Variants in PKP4 observed in about 807,000 individuals in gnomAD.
The protein encoded by PKP4 is plakophilin-4.
PKP4 carries 90 observed loss-of-function variants against 145.1 expected under a neutral mutation model. That is an observed-to-expected ratio of 0.62 (90% CI 0.52 to 0.74). PKP4 has a LOEUF of 0.74. Among genes scored for constraint, PKP4 ranks in the 30% least tolerant of loss-of-function variants. PKP4 has a pLI of 0.00. For missense variants in PKP4, 1,340 were observed against 1,482.7 expected, an observed-to-expected ratio of 0.90 and a Z score of 1.58; for synonymous variants, 563 against 577.2, an observed-to-expected ratio of 0.98 and a Z score of 0.35.
At chr2:158,657,178 C>T (rs2056059393) in intron 11 of PKP4, among the ~76,000 whole-genome samples, 1 of 152,178 alleles carries the variant, frequency 6.6e-6, no homozygotes, top group Non-Finnish European at 1.5e-5. Context: ...CATCTCTTCT[C>T]CACCTACTTT....
At chr2:158,634,681 G>C (rs2053660677) in intron 9 of PKP4, among the ~76,000 whole-genome samples, 1 of 152,096 alleles carries the variant, frequency 6.6e-6, no homozygotes, top group Non-Finnish European at 1.5e-5. Context: ...AAATGGATTT[G>C]GTTATTACAA....
chr2:158,559,987 G>A (rs370872094), intron 2 of PKP4, among the ~76,000 whole-genome samples: 44 of 151,756 alleles, frequency 2.9e-4, no homozygotes, highest in African/African-American at 9.2e-4. Flanking sequence ...CTGCCTCAGC[G>A]TCCCGAGTAG....
chr2:158,644,863 G>A (rs1440993502), intron 11 of PKP4, among the ~76,000 whole-genome samples: 1 of 151,992 alleles, frequency 6.6e-6, no homozygotes. Flanking sequence ...GGCATACCTG[G>A]GTGTTTGTTT....
At chr2:158,502,752 A>C (rs1266690711) in intron 1 of PKP4, among the ~76,000 whole-genome samples, 1 of 152,242 alleles carries the variant, frequency 6.6e-6, no homozygotes, top group Non-Finnish European at 1.5e-5. Flanking sequence ...GTTAACCCGC[A>C]TGCTGATAGG....
chr2:158,473,465 A>G (rs1691929829), intron 1 of PKP4, among the ~76,000 whole-genome samples: 1 of 152,240 alleles, frequency 6.6e-6, no homozygotes, highest in African/African-American at 2.4e-5. Flanking sequence ...ACACCGTGCA[A>G]TACTATGCAG....
chr2:158,619,892 C>T (rs1264518219), intron 4 of PKP4, among the ~76,000 whole-genome samples: 1 of 152,110 alleles, frequency 6.6e-6, no homozygotes, highest in Non-Finnish European at 1.5e-5. Flanking sequence ...TTAGATGTTA[C>T]TTCCTTTAGG....
At chr2:158,585,922 C>T (rs1292521466) in intron 3 of PKP4, among the ~76,000 whole-genome samples, 1 of 150,720 alleles carries the variant, frequency 6.6e-6, no homozygotes, top group Non-Finnish European at 1.5e-5. Context: ...TAGCCTCCCC[C>T]TTTTTTCCTT....
rs540259424 is a variant in PKP4 at position 158,463,874 on chromosome 2, C to G, written c.-6+6656C>G. ...ACCTGTGACCCCTCTGTGGCTGAGT[C>G]AGTGGCTCCGTGTCTTGTGCGGTAG... On this transcript the variant is annotated intron_variant, in intron 1 of 21. Coordinates refer to ENST00000389759, the MANE Select transcript of PKP4 (RefSeq NM_003628.6). Among the ~76,000 whole-genome samples, 5 of 152,320 alleles carry G rather than the reference C, an allele frequency of 3.3e-5. No homozygotes were observed. The South Asian group carries it at 8.3e-4, about 25-fold the overall frequency.
intron 1 of PKP4, among the ~76,000 whole-genome samples, chr2:158,500,563 A>G (rs1242623634): frequency 6.6e-6 from 1 of 152,256 alleles, no homozygotes; most frequent in African/African-American, 2.4e-5. Flanking sequence ...ATAAGCCTGC[A>G]GATGGCAATG....
At chr2:158,615,722 A>G (rs1574795636) in intron 4 of PKP4, among the ~76,000 whole-genome samples, 1 of 152,212 alleles carries the variant, frequency 6.6e-6, no homozygotes, top group Non-Finnish European at 1.5e-5. Context: ...TGCTTATACT[A>G]TAGATTCGAA....
In PKP4 at chr2:158,488,975, C is replaced by T. The variant is rs147008520; in HGVS notation, c.-6+31757C>T. ...CATTTGCATCAACTATTTTAACAAC[C>T]TTGGGGAAGGCATTACATCTTTCAG... On this transcript the variant is annotated intron_variant, in intron 1 of 21. Coordinates refer to ENST00000389759, the MANE Select transcript of PKP4 (RefSeq NM_003628.6). Among the ~76,000 whole-genome samples the T allele has an allele frequency of 5.0e-4, 76 of 152,280 alleles. 1 individual carries two copies. The Middle Eastern group carries it at 0.021, about 41-fold the overall frequency.
At chr2:158,637,789 G>A (rs1156859694) in intron 9 of PKP4, among the ~76,000 whole-genome samples, 1 of 152,232 alleles carries the variant, frequency 6.6e-6, no homozygotes, top group African/African-American at 2.4e-5. Flanking sequence ...CTCTATCATG[G>A]CTGGAAACAG....
chr2:158,567,076 A>T (rs1159851252), intron 2 of PKP4, among the ~76,000 whole-genome samples: 1 of 152,190 alleles, frequency 6.6e-6, no homozygotes, highest in African/African-American at 2.4e-5. Context: ...AGTAAATCAT[A>T]AAATCACCCT....
At chr2:158,480,536 C>T (rs1233608083) in intron 1 of PKP4, among the ~76,000 whole-genome samples, 1 of 151,252 alleles carries the variant, frequency 6.6e-6, no homozygotes, top group Non-Finnish European at 1.5e-5. Flanking sequence ...CGCGCCTGGC[C>T]TCTGGGATTC....
chr2:158,582,886 C>T (rs2048454290), intron 3 of PKP4, among the ~76,000 whole-genome samples: 1 of 152,152 alleles, frequency 6.6e-6, no homozygotes, highest in African/African-American at 2.4e-5. Context: ...AATTTTAGGT[C>T]CACTAAGCAG....
chr2:158,462,798 C>A (rs1473779839), intron 1 of PKP4, among the ~76,000 whole-genome samples: 2 of 152,024 alleles, frequency 1.3e-5, no homozygotes, highest in Admixed American at 1.3e-4. Context: ...CTGTGGTCCT[C>A]GTTTTGCTCA....
chr2:158,594,894 G>T (rs2105828637), intron 3 of PKP4, among the ~76,000 whole-genome samples: 1 of 152,264 alleles, frequency 6.6e-6, no homozygotes, highest in Non-Finnish European at 1.5e-5. Flanking sequence ...ATATTTGTTT[G>T]CCTTCCAACT....
chr2:158,669,081 G>A (rs994215410), intron 16 of PKP4: 2 of 152,110 alleles, frequency 1.3e-5, no homozygotes, highest in Non-Finnish European at 2.9e-5. Flanking sequence ...CATTATTATT[G>A]CATTATTCCT....
At chr2:158,500,275 G>T (rs1286607403) in intron 1 of PKP4, among the ~76,000 whole-genome samples, 2 of 152,196 alleles carry the variant, frequency 1.3e-5, no homozygotes, top group African/African-American at 4.8e-5. Context: ...TGTAGAGAAA[G>T]CAGTCACCCT....
Sources: allele counts gnomAD v4.1 joint callset (sites outside exome capture counted in the v4.1 genomes callset), GRCh38; gene constraint gnomAD v4.1.1; transcripts MANE v1.5; gene names NCBI Gene and HGNC (gene_info 2026-07-23, HGNC 2026-07-21).